The following SUGCT variants were observed in gnomAD, a reference collection of about 807,000 sequenced individuals.
The protein encoded by SUGCT is succinyl-CoA:glutarate CoA-transferase.
A neutral mutation model predicts 55.0 loss-of-function variants in SUGCT; 41 were observed. The ratio of observed to expected loss-of-function variants is 0.74; its 90% CI spans 0.58 to 0.97. The LOEUF is 0.97. Among genes scored for constraint, SUGCT ranks in the 50% least tolerant of loss-of-function variants. The pLI is 0.00. For synonymous variants in SUGCT, 187 were observed against 200.4 expected (o/e 0.93, Z 0.56); for missense variants, 568 against 547.8 (o/e 1.04, Z -0.37).
chr7:40,338,719 T>C (rs980303056), intron 9 of SUGCT, among the ~76,000 whole-genome samples: 2 of 152,216 alleles, frequency 1.3e-5, no homozygotes, highest in Non-Finnish European at 2.9e-5. Flanking sequence ...TGGAGAAGTT[T>C]GATCGTCTGA....
intron 1 of SUGCT, among the ~76,000 whole-genome samples, chr7:40,171,166 GC>G (rs1784652742): frequency 6.6e-6 from 1 of 152,070 alleles, no homozygotes; most frequent in Non-Finnish European, 1.5e-5. Flanking sequence ...ACTTTTTCTT[GC>G]CCCAGATTAA....
At chr7:40,179,135 T>G (rs1358331531) in intron 1 of SUGCT, among the ~76,000 whole-genome samples, 2 of 152,128 alleles carry the variant, frequency 1.3e-5, no homozygotes, top group Non-Finnish European at 2.9e-5. Flanking sequence ...ATATTATGTT[T>G]TACATAAAAA....
At chr7:40,696,533 C>T (rs1190881154) in intron 12 of SUGCT, among the ~76,000 whole-genome samples, 1 of 152,118 alleles carries the variant, frequency 6.6e-6, no homozygotes, top group Non-Finnish European at 1.5e-5. Flanking sequence ...CCAAAACTAG[C>T]CAAATTTATA....
intron 9 of SUGCT, among the ~76,000 whole-genome samples, chr7:40,317,271 A>T (rs1238429022): frequency 6.6e-6 from 1 of 152,122 alleles, no homozygotes; most frequent in Non-Finnish European, 1.5e-5. Context: ...GTAAAATGAA[A>T]ATTTGCGTGT....
intron 9 of SUGCT, among the ~76,000 whole-genome samples, chr7:40,415,793 A>G (rs1366389620): frequency 2.6e-5 from 4 of 152,072 alleles, no homozygotes; most frequent in Non-Finnish European, 4.4e-5. Context: ...TATTAATTAC[A>G]TGTATATATT....
At chr7:40,623,230 T>A (rs1054311378) in intron 12 of SUGCT, among the ~76,000 whole-genome samples, 6 of 152,168 alleles carry the variant, frequency 3.9e-5, no homozygotes, top group African/African-American at 7.2e-5. Context: ...ACTCCATAGT[T>A]TTTTCTAAGT....
chr7:40,601,679 C>G (rs184196269), intron 12 of SUGCT, among the ~76,000 whole-genome samples: 22 of 152,168 alleles, frequency 1.4e-4, no homozygotes, highest in African/African-American at 5.3e-4. Flanking sequence ...CAGTTCGCAG[C>G]CTAGATGGCT....
chr7:40,565,967 TCACACACACACA>T (rs377518526), intron 12 of SUGCT, among the ~76,000 whole-genome samples: 2 of 134,692 alleles, frequency 1.5e-5, no homozygotes, highest in African/African-American at 5.6e-5. Context: ...ACCTGGCATA[TCACACACACACA>T]CACACACACA....
At chr7:40,236,467 C>T (rs1789018550) in intron 6 of SUGCT, among the ~76,000 whole-genome samples, 1 of 69,892 alleles carries the variant, frequency 1.4e-5, no homozygotes, top group Non-Finnish European at 2.9e-5. Context: ...AAATTTGACA[C>T]CTTCTCTACC....
chr7:40,432,384 T>C (rs1194014551), intron 9 of SUGCT, among the ~76,000 whole-genome samples: 3 of 152,172 alleles, frequency 2.0e-5, no homozygotes, highest in African/African-American at 7.2e-5. Flanking sequence ...AATTTTATCT[T>C]GCTGCTTTCA....
chr7:40,176,521 A>G (rs1584259980), intron 1 of SUGCT, among the ~76,000 whole-genome samples: 2 of 152,174 alleles, frequency 1.3e-5, no homozygotes, highest in East Asian at 3.8e-4. Flanking sequence ...AATTATGAAG[A>G]AGAGTAACCC....
chr7:40,399,561 A>G (rs1283116075), intron 9 of SUGCT, among the ~76,000 whole-genome samples: 6 of 152,176 alleles, frequency 3.9e-5, no homozygotes, highest in Non-Finnish European at 8.8e-5. Flanking sequence ...TCACCACAAT[A>G]AAAGATACAA....
intron 5 of SUGCT, among the ~76,000 whole-genome samples, chr7:40,192,763 C>A (rs1785991916): frequency 6.6e-6 from 1 of 151,428 alleles, no homozygotes; most frequent in Admixed American, 6.6e-5. Context: ...TCCCGAGTAG[C>A]TGGGACTTCA....
intron 13 of SUGCT, among the ~76,000 whole-genome samples, chr7:40,754,507 C>G (rs1788162601): frequency 6.6e-6 from 1 of 152,172 alleles, no homozygotes; most frequent in African/African-American, 2.4e-5. Flanking sequence ...GGGGAGAAAA[C>G]TGGATAGGAC....
chr7:40,826,034 G>T (rs1792294267), intron 13 of SUGCT, among the ~76,000 whole-genome samples: 2 of 152,106 alleles, frequency 1.3e-5, no homozygotes, highest in South Asian at 4.1e-4. Flanking sequence ...GGAGACTTAA[G>T]CTCAAAATGT....
chr7:40,503,846 T>C (rs983273936), intron 12 of SUGCT, among the ~76,000 whole-genome samples: 4 of 152,204 alleles, frequency 2.6e-5, no homozygotes, highest in African/African-American at 9.6e-5. Context: ...ATCGGTATGA[T>C]AAAAATACAA....
chr7:40,673,713 T>A (rs1802054936), intron 12 of SUGCT, among the ~76,000 whole-genome samples: 1 of 152,210 alleles, frequency 6.6e-6, no homozygotes, highest in Non-Finnish European at 1.5e-5. Flanking sequence ...ACCTATCACT[T>A]AATAAATATG....
chr7:40,778,771 G>A (rs1375595082), intron 13 of SUGCT, among the ~76,000 whole-genome samples: 1 of 152,236 alleles, frequency 6.6e-6, no homozygotes, highest in Non-Finnish European at 1.5e-5. Flanking sequence ...TGAGACCCTT[G>A]GAGTATAATT....
At chr7:40,226,360 G>C (rs1371659659) in intron 6 of SUGCT, among the ~76,000 whole-genome samples, 4 of 152,230 alleles carry the variant, frequency 2.6e-5, no homozygotes, top group East Asian at 3.9e-4. Context: ...TAATGGGAAG[G>C]TTTTTCACCA....
Sources: gnomAD v4.1 joint callset for allele counts (sites outside exome capture counted in the v4.1 genomes callset) on GRCh38, gnomAD v4.1.1 for gene constraint, MANE v1.5 for transcripts, NCBI Gene and HGNC (gene_info 2026-07-23, HGNC 2026-07-21) for gene names.